Variants in ROBO1 observed in about 807,000 individuals in gnomAD.
ROBO1 encodes roundabout guidance receptor 1, also known as roundabout homolog 1.
Under a neutral mutation model 195.9 loss-of-function variants are expected in ROBO1, and 149 were observed. The observed-to-expected ratio is 0.76, with a 90% CI of 0.67 to 0.87. The LOEUF is 0.87. Among genes scored for constraint, ROBO1 ranks in the 40% least tolerant of loss-of-function variants. ROBO1 has a pLI of 0.00. For synonymous variants in ROBO1, 816 were observed against 733.2 expected, an observed-to-expected ratio of 1.11 and a Z score of -1.82; for missense variants, 1,933 against 2,068.3, an observed-to-expected ratio of 0.93 and a Z score of 1.27.
chr3:79,655,239 TATC>T (rs1167985571), intron 1 of ROBO1, among the ~76,000 whole-genome samples: 1 of 152,104 alleles, frequency 6.6e-6, no homozygotes, highest in Non-Finnish European at 1.5e-5. Flanking sequence ...TATAATTTGT[TATC>T]ATATTATGAA....
chr3:79,611,825 C>T (rs978789606), intron 1 of ROBO1, among the ~76,000 whole-genome samples: 4 of 151,682 alleles, frequency 2.6e-5, no homozygotes, highest in African/African-American at 4.8e-5. Context: ...CACCATGGCA[C>T]GTGTATACCT....
intron 4 of ROBO1, among the ~76,000 whole-genome samples, chr3:78,878,340 C>G (rs1424162336): frequency 6.6e-6 from 1 of 152,078 alleles, no homozygotes. Context: ...AATCCTAGCA[C>G]TTTAGGAGGC....
intron 2 of ROBO1, among the ~76,000 whole-genome samples, chr3:79,545,054 CATAG>C (rs1033877058): frequency 1.3e-5 from 2 of 151,840 alleles, no homozygotes; most frequent in Non-Finnish European, 2.9e-5. Context: ...TTTTACCTTA[CATAG>C]ATACTTAAAT....
At chr3:79,520,938 T>C (rs2107578151) in intron 2 of ROBO1, among the ~76,000 whole-genome samples, 1 of 152,226 alleles carries the variant, frequency 6.6e-6, no homozygotes, top group East Asian at 1.9e-4. Context: ...AACACTTGAA[T>C]CAATGTAGAG....
intron 8 of ROBO1, 99 bp from the exon 9 acceptor site, chr3:78,688,871 C>T: frequency 8.4e-7 from 1 of 1,193,560 alleles, no homozygotes; most frequent in Non-Finnish European, 1.1e-6. Context: ...TTATTTTATA[C>T]AACATGTTAT....
intron 2 of ROBO1, among the ~76,000 whole-genome samples, chr3:79,418,787 C>G (rs2038107905): frequency 6.6e-6 from 1 of 151,992 alleles, no homozygotes; most frequent in Admixed American, 6.6e-5. Flanking sequence ...ATCATGCTGA[C>G]CAGATAGCAA....
chr3:79,467,401 C>T (rs116721367), intron 2 of ROBO1, among the ~76,000 whole-genome samples: 7,234 of 151,410 alleles, frequency 0.048, 465 homozygotes, highest in African/African-American at 0.14. Flanking sequence ...AAATATTGTC[C>T]TTTGGCCCTC....
At chr3:78,914,857 T>C (rs1039972961) in intron 4 of ROBO1, among the ~76,000 whole-genome samples, 3 of 150,370 alleles carry the variant, frequency 2.0e-5, no homozygotes, top group Admixed American at 1.3e-4. Flanking sequence ...ATGAAGAAAA[T>C]ACATTCTTAA....
chr3:79,408,226 T>TA (rs1309395495), intron 2 of ROBO1, among the ~76,000 whole-genome samples: 4 of 124,470 alleles, frequency 3.2e-5, no homozygotes, highest in East Asian at 2.6e-4. Flanking sequence ...CTCAAAAAAA[T>TA]AAAAAAAATA....
At chr3:79,210,597 C>T (rs1478224882) in intron 2 of ROBO1, among the ~76,000 whole-genome samples, 2 of 152,068 alleles carry the variant, frequency 1.3e-5, no homozygotes, top group African/African-American at 4.8e-5. Flanking sequence ...AAAAGGAAGT[C>T]TCAAGGACTA....
intron 2 of ROBO1, among the ~76,000 whole-genome samples, chr3:79,467,717 T>G (rs1275782309): frequency 2.0e-5 from 3 of 152,174 alleles, no homozygotes. Flanking sequence ...TGATTCTTCC[T>G]GGATGCCAGG....
At chr3:78,787,800 T>A (rs2083881844) in intron 4 of ROBO1, among the ~76,000 whole-genome samples, 1 of 151,886 alleles carries the variant, frequency 6.6e-6, no homozygotes, top group Non-Finnish European at 1.5e-5. Flanking sequence ...AAACAAAAAA[T>A]CTGATACAGT....
chr3:79,469,956 G>A lies in ROBO1; in HGVS notation c.88+119868C>T, dbSNP rs539957563. Among the ~76,000 whole-genome samples the A allele has an allele frequency of 4.6e-5, 7 of 152,304 alleles. No individual in the cohort carries two copies. In the South Asian group the frequency reaches 1.5e-3, roughly 32 times the overall value. ...GTATCCAGAATGGAGAAGTGGCTGA[G>A]AAGGAGCAACAATGAACTATGAGAA... On this transcript the variant is annotated intron_variant, in intron 2 of 30. Transcript: ENST00000464233.
In ROBO1 at chr3:78,600,295, A is replaced by C. The variant is rs776213368; in HGVS notation, c.4759T>G (p.Tyr1587Asp). The C allele has an allele frequency of 6.2e-7, 1 of 1,605,838 alleles. No homozygotes were observed. The highest frequency in any genetic ancestry group is 8.5e-7 in the Non-Finnish European group (1 of 1,172,662). ...THLIQEDILPYCRPTFPTSNN... is the reference protein window; with the variant it reads ...THLIQEDILPDCRPTFPTSNN... ...GATGTTGGAAAAGTAGGTCTACAATAAGGTAGAATATCCTCTGTGTAATGA... is the reference window on the plus strand; with the variant it reads ...GATGTTGGAAAAGTAGGTCTACAATCAGGTAGAATATCCTCTGTGTAATGA... Residue 1587 changes from tyrosine to aspartate, a missense_variant, in exon 30 of 31, where the codon TAT (tyrosine) becomes GAT (aspartate). Transcript: ENST00000464233.
At chr3:79,719,549 G>GCTTTTA (rs1313066536) in intron 1 of ROBO1, among the ~76,000 whole-genome samples, 11 of 152,100 alleles carry the variant, frequency 7.2e-5, no homozygotes, top group African/African-American at 2.7e-4. Context: ...ATTATCCAAT[G>GCTTTTA]TTGGTGGGAA....
chr3:78,712,778 T>G (rs575164539), intron 8 of ROBO1, among the ~76,000 whole-genome samples: 19 of 152,296 alleles, frequency 1.2e-4, no homozygotes, highest in African/African-American at 3.6e-4. Flanking sequence ...TAAATGAATT[T>G]TGTAACTGAA....
chr3:79,699,752 T>C (rs1411836685), intron 1 of ROBO1, among the ~76,000 whole-genome samples: 2 of 151,618 alleles, frequency 1.3e-5, no homozygotes, highest in Non-Finnish European at 3.0e-5. Context: ...GCCAATAAGA[T>C]ATGAGTGAAA....
intron 8 of ROBO1, among the ~76,000 whole-genome samples, chr3:78,704,793 G>A (rs1442284318): frequency 6.6e-6 from 1 of 152,004 alleles, no homozygotes; most frequent in Non-Finnish European, 1.5e-5. Context: ...AGTGAGCCAT[G>A]ATTGTGCCAC....
intron 2 of ROBO1, among the ~76,000 whole-genome samples, chr3:79,192,627 G>T (rs2081560075): frequency 6.6e-6 from 1 of 151,538 alleles, no homozygotes; most frequent in African/African-American, 2.4e-5. Context: ...AGGTCTAAAA[G>T]CCGTATGGAT....
Sources: allele counts gnomAD v4.1 joint callset (sites outside exome capture counted in the v4.1 genomes callset), GRCh38; gene constraint gnomAD v4.1.1; transcripts MANE v1.5; gene names NCBI Gene and HGNC (gene_info 2026-07-23, HGNC 2026-07-21).